PDE1C: variants seen among roughly 807,000 people sequenced by gnomAD.
PDE1C encodes the protein phosphodiesterase 1C.
PDE1C carries 62 observed loss-of-function variants against 93.1 expected under a neutral mutation model. The observed-to-expected ratio is 0.67, with a 90% confidence interval of 0.54 to 0.82. The LOEUF is 0.82. Among genes scored for constraint, PDE1C ranks in the 40% least tolerant of loss-of-function variants. PDE1C has a pLI of 0.00. For missense variants in PDE1C, 742 were observed against 884.6 expected, an observed-to-expected ratio of 0.84 and a Z score of 2.04; for synonymous variants, 325 against 310.1, an observed-to-expected ratio of 1.05 and a Z score of -0.50.
chr7:31,832,601 A>G (rs1055556457), intron 11 of PDE1C, among the ~76,000 whole-genome samples: 3 of 152,232 alleles, frequency 2.0e-5, no homozygotes, highest in Non-Finnish European at 4.4e-5. Flanking sequence ...CTGAGGCAGC[A>G]TTTCTCTTAC....
chr7:31,952,385 G>A (rs1807501997), intron 2 of PDE1C, among the ~76,000 whole-genome samples: 2 of 152,088 alleles, frequency 1.3e-5, no homozygotes, highest in African/African-American at 4.8e-5. Flanking sequence ...AAGAAGCTAG[G>A]ATTACAGGCA....
intron 8 of PDE1C, 27 bp from the exon 9 acceptor site, chr7:31,848,123 G>A: frequency 6.2e-7 from 1 of 1,609,094 alleles, no homozygotes; most frequent in Non-Finnish European, 8.5e-7. Flanking sequence ...GCAAAATTCA[G>A]AATGTTAAAC....
chr7:32,244,257 T>G (rs1304828359), intron 1 of PDE1C, among the ~76,000 whole-genome samples: 6 of 152,074 alleles, frequency 3.9e-5, no homozygotes, highest in Admixed American at 2.6e-4. Flanking sequence ...TAGTTGGGGA[T>G]GTAGTTGTTG....
At chr7:32,019,694 T>G (rs1788389434) in intron 2 of PDE1C, among the ~76,000 whole-genome samples, 1 of 151,858 alleles carries the variant, frequency 6.6e-6, no homozygotes. Context: ...TCAAGAACTA[T>G]TTTACATGTT....
chr7:31,965,943 G>C (rs1157269479), intron 2 of PDE1C, among the ~76,000 whole-genome samples: 1 of 152,264 alleles, frequency 6.6e-6, no homozygotes, highest in East Asian at 1.9e-4. Context: ...TGCCCTAAAA[G>C]AGCTCCTGAA....
intron 1 of PDE1C, among the ~76,000 whole-genome samples, chr7:32,307,208 ATATAGGTT>A (rs1266863779): frequency 3.9e-5 from 6 of 152,138 alleles, no homozygotes; most frequent in African/African-American, 1.4e-4. Context: ...ACGAAGCCCA[ATATAGGTT>A]GTGGGGAGCA....
At chr7:31,711,783 C>T in the PDE1C span, among the ~76,000 whole-genome samples, 1 of 152,202 alleles carries the variant, frequency 6.6e-6, no homozygotes, top group South Asian at 2.1e-4. Flanking sequence ...ATTAAAGTGA[C>T]CCTTTTCAAA....
At chr7:32,008,095 C>T (rs1461172418) in intron 2 of PDE1C, among the ~76,000 whole-genome samples, 2 of 152,200 alleles carry the variant, frequency 1.3e-5, no homozygotes. Context: ...AACTCCTATA[C>T]AGCTGTCTTC....
At chr7:31,757,128 T>C (rs1036847338) in intron 17 of PDE1C, among the ~76,000 whole-genome samples, 5 of 152,178 alleles carry the variant, frequency 3.3e-5, no homozygotes, top group African/African-American at 7.2e-5. Flanking sequence ...TGTGATACTA[T>C]GGAAAGATGA....
chr7:32,247,777 G>A (rs1327938799), intron 1 of PDE1C, among the ~76,000 whole-genome samples: 1 of 152,182 alleles, frequency 6.6e-6, no homozygotes, highest in Non-Finnish European at 1.5e-5. Context: ...ACCTGTTCAA[G>A]GTAGGCCAGG....
intron 12 of PDE1C, among the ~76,000 whole-genome samples, chr7:31,826,587 A>G (rs1789693467): frequency 6.6e-6 from 1 of 152,162 alleles, no homozygotes; most frequent in African/African-American, 2.4e-5. Flanking sequence ...TCATGGTCCA[A>G]CCACTTAATG....
At chr7:32,323,490 C>T (rs1157569761) in intron 1 of PDE1C, among the ~76,000 whole-genome samples, 1 of 152,058 alleles carries the variant, frequency 6.6e-6, no homozygotes, top group Non-Finnish European at 1.5e-5. Flanking sequence ...AGGAAAATAC[C>T]CACCCCTGAG....
intron 14 of PDE1C, among the ~76,000 whole-genome samples, chr7:31,822,538 G>T (rs1205979205): frequency 6.6e-6 from 1 of 152,112 alleles, no homozygotes. Flanking sequence ...CTGCTTCAGG[G>T]AATTTCTGTT....
chr7:31,899,132 CTT>C (rs386409838), intron 2 of PDE1C, among the ~76,000 whole-genome samples: 89 of 85,008 alleles, frequency 1.0e-3, no homozygotes, highest in African/African-American at 2.2e-3. Context: ...GGCAGTCCCA[CTT>C]TTTTTTTTTT....
intron 3 of PDE1C, among the ~76,000 whole-genome samples, chr7:32,108,713 G>T (rs1471218505): frequency 6.6e-6 from 1 of 152,158 alleles, no homozygotes; most frequent in Non-Finnish European, 1.5e-5. Flanking sequence ...CTGCATGAAT[G>T]TTCATGATTT....
At chr7:32,361,061 A>G (rs1784128950) in intron 1 of PDE1C, among the ~76,000 whole-genome samples, 1 of 152,158 alleles carries the variant, frequency 6.6e-6, no homozygotes, top group African/African-American at 2.4e-5. Context: ...AAAAGAAGGG[A>G]CTTATTTAAC....
intron 1 of PDE1C, among the ~76,000 whole-genome samples, chr7:32,233,192 G>C (rs1807828574): frequency 6.6e-6 from 1 of 152,114 alleles, no homozygotes; most frequent in African/African-American, 2.4e-5. Flanking sequence ...AGTCTCAATG[G>C]AGTGAAACAT....
chr7:32,387,682 A>G, intron 1 of PDE1C, among the ~76,000 whole-genome samples: 2 of 81,262 alleles, frequency 2.5e-5, no homozygotes, highest in East Asian at 3.4e-4. Context: ...CGGGGGGCTG[A>G]CCCCCCCCAC....
chr7:32,226,471 A>G (rs1171813156), intron 1 of PDE1C, among the ~76,000 whole-genome samples: 1 of 152,244 alleles, frequency 6.6e-6, no homozygotes, highest in African/African-American at 2.4e-5. Context: ...CTGTTTTTAA[A>G]CATCATAACG....
Sources: allele counts gnomAD v4.1 joint callset (sites outside exome capture counted in the v4.1 genomes callset), GRCh38; gene constraint gnomAD v4.1.1; transcripts MANE v1.5; gene names NCBI Gene and HGNC (gene_info 2026-07-23, HGNC 2026-07-21).